The following CYRIA variants were observed in gnomAD, a reference collection of about 807,000 sequenced individuals.
CYRIA encodes CYFIP-related Rac1 interactor A.
Under a neutral mutation model 43.9 loss-of-function variants are expected in CYRIA, and 15 were observed. That is an observed-to-expected ratio of 0.34 (90% CI 0.23 to 0.53). The LOEUF (loss-of-function observed/expected upper bound fraction) is 0.53. Ranked by LOEUF, CYRIA falls within the 20% of genes least tolerant of loss-of-function variation. CYRIA has a pLI of 0.94. For missense variants in CYRIA, 236 were observed against 394.2 expected (o/e 0.60, Z 3.40); for synonymous variants, 117 against 136.0 (o/e 0.86, Z 0.97).
At chr2:16,553,526 G>C (rs1271824646) in intron 11 of CYRIA, among the ~76,000 whole-genome samples, 1 of 152,152 alleles carries the variant, frequency 6.6e-6, no homozygotes. Context: ...AGAAGGAAAA[G>C]AGAATTAACA....
intron 2 of CYRIA, among the ~76,000 whole-genome samples, chr2:16,607,049 A>G (rs1366732561): frequency 3.3e-5 from 5 of 152,266 alleles, no homozygotes; most frequent in Non-Finnish European, 5.9e-5. Flanking sequence ...TGAAATCTCA[A>G]GCATCAAGAA....
chr2:16,588,905 G>T (rs1667828244), intron 2 of CYRIA, among the ~76,000 whole-genome samples: 1 of 152,066 alleles, frequency 6.6e-6, no homozygotes, highest in Admixed American at 6.6e-5. Context: ...CATCTGCAAA[G>T]GTGAGTCAAA....
At chr2:16,640,426 G>A (rs1246400802) in intron 1 of CYRIA, among the ~76,000 whole-genome samples, 1 of 152,232 alleles carries the variant, frequency 6.6e-6, no homozygotes, top group Non-Finnish European at 1.5e-5. Context: ...CCCTGGCTGG[G>A]GACTGGGAGA....
chr2:16,590,462 G>A (rs1667890406), intron 2 of CYRIA, among the ~76,000 whole-genome samples: 1 of 152,150 alleles, frequency 6.6e-6, no homozygotes, highest in Non-Finnish European at 1.5e-5. Flanking sequence ...TCTTAGTTTT[G>A]TGCTATGAAT....
At chr2:16,610,240 G>A (rs981834301) in intron 2 of CYRIA, among the ~76,000 whole-genome samples, 3 of 152,228 alleles carry the variant, frequency 2.0e-5, no homozygotes, top group South Asian at 2.1e-4. Context: ...AAGCAAGTGA[G>A]TAACTTGCCT....
chr2:16,615,016 T>C (rs1668731687), intron 2 of CYRIA, among the ~76,000 whole-genome samples: 1 of 152,230 alleles, frequency 6.6e-6, no homozygotes, highest in Non-Finnish European at 1.5e-5. Context: ...GTAGTTCTTG[T>C]CCATAAAGGA....
intron 2 of CYRIA, among the ~76,000 whole-genome samples, chr2:16,588,672 A>G (rs1253170791): frequency 1.3e-5 from 2 of 152,102 alleles, no homozygotes; most frequent in Non-Finnish European, 2.9e-5. Flanking sequence ...AAGTTCCTGA[A>G]AGCTCACGAG....
chr2:16,578,112 C>T (rs1667415421), intron 3 of CYRIA, among the ~76,000 whole-genome samples: 1 of 152,194 alleles, frequency 6.6e-6, no homozygotes, highest in Non-Finnish European at 1.5e-5. Flanking sequence ...GACAGGAAAA[C>T]TGAGACAAAC....
intron 2 of CYRIA, among the ~76,000 whole-genome samples, chr2:16,607,260 T>A (rs1668437525): frequency 9.0e-6 from 1 of 111,640 alleles, no homozygotes; most frequent in Admixed American, 1.2e-4. Flanking sequence ...ACAGGAAAGG[T>A]GGATGAGGTG....
chr2:16,634,027 G>A (rs1669416108), intron 1 of CYRIA, among the ~76,000 whole-genome samples: 1 of 152,028 alleles, frequency 6.6e-6, no homozygotes, highest in African/African-American at 2.4e-5. Context: ...GGCTAACGTT[G>A]GACCACAGAC....
intron 2 of CYRIA, among the ~76,000 whole-genome samples, chr2:16,608,637 T>C (rs1377145001): frequency 1.3e-5 from 2 of 151,588 alleles, no homozygotes; most frequent in Non-Finnish European, 2.9e-5. Context: ...AAAATGCAAA[T>C]CAAAATATTC....
intron 3 of CYRIA, among the ~76,000 whole-genome samples, chr2:16,572,320 C>CA (rs1364903425): frequency 6.9e-6 from 1 of 145,288 alleles, no homozygotes. Context: ...GCAAAAGTGC[C>CA]AAAAAATGAA....
chr2:16,648,188 A>AG (rs1014614210), intron 1 of CYRIA, among the ~76,000 whole-genome samples: 2 of 152,200 alleles, frequency 1.3e-5, no homozygotes, highest in African/African-American at 4.8e-5. Context: ...AAACTCAGCC[A>AG]GGGGGGTGGA....
chr2:16,599,512 C>T (rs1344483449), intron 2 of CYRIA, among the ~76,000 whole-genome samples: 3 of 121,972 alleles, frequency 2.5e-5, no homozygotes, highest in African/African-American at 6.9e-5. Context: ...CGTCCGTCAC[C>T]CCTTTCTTTG....
At chr2:16,602,649 A>G (rs1162917654) in intron 2 of CYRIA, among the ~76,000 whole-genome samples, 1 of 152,114 alleles carries the variant, frequency 6.6e-6, no homozygotes, top group Non-Finnish European at 1.5e-5. Flanking sequence ...AATACACTCC[A>G]TATTAGAACT....
In CYRIA at chr2:16,657,480, G is replaced by GT. The variant is rs5829557; in HGVS notation, c.-167+8299dup. On this transcript the variant is annotated intron_variant, in intron 1 of 11. Coordinates refer to ENST00000381323, the MANE Select transcript of CYRIA (RefSeq NM_030797.4). ...CCCATGTTTTTTGATGTTTTTTGTT[G>GT]TTTTTTTTTTTTTGGCTGTTGTTTT... Among the ~76,000 whole-genome samples the GT allele has an allele frequency of 7.5e-3, 1,056 of 140,442 alleles. 6 individuals carry two copies. The highest frequency in any genetic ancestry group is 0.022 in the African/African-American group (836 of 38,780). The allele number at this position is 140,442 out of a possible 152,430, so 92.1% of individuals were successfully genotyped here.
chr2:16,559,367 T>G, intron 10 of CYRIA, 93 bp downstream of exon 10: 7 of 1,410,494 alleles, frequency 5.0e-6, no homozygotes, highest in South Asian at 1.4e-5. Flanking sequence ...TCACTCTCAG[T>G]GGAGAGGTCC....
rs74639026 is a variant in CYRIA, at chr2:16,634,342, C to G, written c.-166-10323G>C. ...TATATTCCAGAATGGTAAAATCCAA[C>G]AGCCCCCCACTGTCACCACTTTGAT... On this transcript the variant is annotated intron_variant, in intron 1 of 11. Transcript: ENST00000381323. 5.8e-3 allele frequency among the ~76,000 whole-genome samples: 883 copies of G among 152,294 alleles called. 7 individuals carry two copies. Among genetic ancestry groups the G allele is most frequent in the African/African-American group, 0.021 (861 of 41,550 alleles).
chr2:16,629,347 GT>G (rs1288041993), intron 1 of CYRIA, among the ~76,000 whole-genome samples: 4 of 152,140 alleles, frequency 2.6e-5, no homozygotes, highest in African/African-American at 9.7e-5. Context: ...GCTCGTTTTT[GT>G]TTTACTCTTT....
Sources: gnomAD v4.1 joint callset for allele counts (sites outside exome capture counted in the v4.1 genomes callset) on GRCh38, gnomAD v4.1.1 for gene constraint, MANE v1.5 for transcripts, NCBI Gene and HGNC (gene_info 2026-07-23, HGNC 2026-07-21) for gene names.